The following CYTL1 variants were observed in gnomAD, a reference collection of about 807,000 sequenced individuals.
CYTL1 encodes cytokine like 1, also known as cytokine-like protein 1.
Under a neutral mutation model 13.1 loss-of-function variants are expected in CYTL1, and 17 were observed. The ratio of observed to expected loss-of-function variants is 1.29; its 90% confidence interval spans 0.89 to 1.94. The LOEUF is 1.94. CYTL1 is among the 30% of genes most tolerant of loss of function. The pLI is 0.00. For missense variants in CYTL1, 213 were observed against 174.8 expected (o/e 1.22, Z -1.23); for synonymous variants, 91 against 79.4 (o/e 1.15, Z -0.78).
chr4:5,018,138 T>C (rs1392077132), intron 1 of CYTL1, among the ~76,000 whole-genome samples: 2 of 152,216 alleles, frequency 1.3e-5, no homozygotes, highest in Admixed American at 1.3e-4. Context: ...AATGAACTTA[T>C]TTGATAGTGT....
rs201209430 is a variant in CYTL1, at chr4:5,019,199, T to TTC, written c.153+92_153+93dup. 10,805 of 1,102,364 alleles carry TTC rather than the reference T, an allele frequency of 9.8e-3. 39 individuals are homozygous for TTC. Among genetic ancestry groups the TTC allele is most frequent in the Non-Finnish European group, 0.012 (9,738 of 840,538 alleles). The allele number at this position is 1,102,364 out of a possible 1,614,324, so 68.3% of individuals were successfully genotyped here. On this transcript the variant is annotated intron_variant, in intron 1 of 3. Coordinates refer to ENST00000307746, the MANE Select transcript of CYTL1 (RefSeq NM_018659.3). ...TTTACTAGAAAAGAAAAATATCCTTTTCTCTCTCTCTCTCTTTTTTTTTTC... is the reference window on the plus strand; with the variant it reads ...TTTACTAGAAAAGAAAAATATCCTTTTCTCTCTCTCTCTCTCTTTTTTTTTTC...
rs10006676 is a variant in CYTL1, at chr4:5,019,359, G to T, written c.87C>A (p.Ser29=). Residue 29 remains serine, a synonymous_variant, in exon 1 of 4, where the codon TCC becomes TCA. Coordinates refer to ENST00000307746, the MANE Select transcript of CYTL1 (RefSeq NM_018659.3). ...AARPTPPTCY[S]RMRALSQEIT... The stretch of plus-strand genomic sequence containing the variant: ...TCTCCTGGCTCAGGGCCCGCATGCG[G>T]GAGTAGCAGGTCGGGGGAGTGGGCC... 0.066 allele frequency: 99,557 copies of T among 1,515,324 alleles called. 4,322 individuals are homozygous for T. The highest frequency in any genetic ancestry group is 0.22 in the African/African-American group (15,003 of 68,076). 93.9% of individuals were successfully genotyped at this position (1,515,324 alleles called of 1,614,324 possible).
At chr4:5,017,239 C>T in intron 1 of CYTL1, 60 bp from the exon 2 acceptor site, 3 of 1,561,970 alleles carry the variant, frequency 1.9e-6, no homozygotes. Context: ...TCACAAAAGT[C>T]TCCCTAGTGG....
At position 5,019,371 on chromosome 4, in the gene CYTL1, C is replaced by G; in HGVS notation, c.75G>C (p.Pro25=). Reference sequence around the variant, plus strand: ...GGGCCCGCATGCGGGAGTAGCAGGTCGGGGGAGTGGGCCGCGCGGCGGGGG... The same window carrying G: ...GGGCCCGCATGCGGGAGTAGCAGGTGGGGGGAGTGGGCCGCGCGGCGGGGG... The part of the protein sequence containing the change: ...AGAPAARPTP[P]TCYSRMRALS... Residue 25 remains proline, a synonymous_variant, in exon 1 of 4, where the codon CCG becomes CCC. Coordinates refer to ENST00000307746, the MANE Select transcript of CYTL1 (RefSeq NM_018659.3). The G allele has an allele frequency of 6.6e-7, 1 of 1,514,030 alleles. No individual in the cohort carries two copies. Among genetic ancestry groups the G allele is most frequent in the Non-Finnish European group, 8.8e-7 (1 of 1,139,074 alleles). 93.8% of individuals were successfully genotyped at this position (1,514,030 alleles called of 1,614,324 possible).
chr4:5,016,699 T>C, intron 3 of CYTL1, 137 bp downstream of exon 3: 1 of 1,109,248 alleles, frequency 9.0e-7, no homozygotes, highest in Middle Eastern at 2.2e-4. Context: ...GAAAGGGCTT[T>C]GTGAACTGAA....
intron 3 of CYTL1, among the ~76,000 whole-genome samples, chr4:5,016,186 G>T (rs1741067980): frequency 6.6e-6 from 1 of 152,176 alleles, no homozygotes; most frequent in Non-Finnish European, 1.5e-5. Context: ...GCTGAGTGAT[G>T]ACCTCTGCCA....
rs563172291 is a variant in CYTL1 at position 5,016,939 on chromosome 4, C to T, written c.224G>A (p.Arg75Gln). The stretch of plus-strand genomic sequence containing the variant: ...ACACGGGGGCGAGGCCACAAAGTCC[C>T]GCAGCTTGTCCAGCACACAGTAATT... ...IHNYCVLDKL[R>Q]DFVASPPCWK... The change falls in exon 3 of 4, where the codon CGG (arginine) becomes CAG (glutamine). Residue 75 changes from arginine (R) to glutamine (Q), a missense_variant. By Grantham distance (43) the Arg-to-Gln change is conservative. Coordinates refer to ENST00000307746, the MANE Select transcript of CYTL1 (RefSeq NM_018659.3). 1.2e-5 allele frequency: 20 copies of T among 1,614,176 alleles called. No homozygotes were observed. The highest frequency in any genetic ancestry group is 6.6e-5 in the South Asian group (6 of 91,074).
chr4:5,018,480 T>C (rs1488460856), intron 1 of CYTL1, among the ~76,000 whole-genome samples: 2 of 152,270 alleles, frequency 1.3e-5, no homozygotes, highest in Non-Finnish European at 2.9e-5. Context: ...AGAAACATTA[T>C]GTTTTGTTTG....
chr4:5,015,973 T>G lies in CYTL1; in HGVS notation c.328-739A>C, dbSNP rs116958040. On this transcript the variant is annotated intron_variant, in intron 3 of 3. Transcript: ENST00000307746. Reference sequence around the variant, plus strand: ...GGAGTGAAGGGACACTGCTGTGATTTGAATGTGGTCCCAAAAGTTTATGTG... The same window carrying G: ...GGAGTGAAGGGACACTGCTGTGATTGGAATGTGGTCCCAAAAGTTTATGTG... Among the ~76,000 whole-genome samples the G allele has an allele frequency of 2.8e-4, 42 of 152,312 alleles. No individual in the cohort carries two copies. The East Asian group carries it at 7.5e-3, about 27-fold the overall frequency.
At chr4:5,016,997 G>T (rs1185453502) in intron 2 of CYTL1, 33 bp from the exon 3 acceptor site, 2 of 1,613,764 alleles carry the variant, frequency 1.2e-6, no homozygotes. Flanking sequence ...GGGCTTGTGG[G>T]AGAAGTCAGT....
chr4:5,017,365 C>T (rs370978316), intron 1 of CYTL1, among the ~76,000 whole-genome samples, 186 bp from the exon 2 acceptor site: 2 of 152,160 alleles, frequency 1.3e-5, no homozygotes, highest in Non-Finnish European at 2.9e-5. Context: ...ACTGCGCTTC[C>T]GGAATTAGAC....
chr4:5,017,240 T>A (rs1470323351), intron 1 of CYTL1, 61 bp from the exon 2 acceptor site: 4 of 1,553,848 alleles, frequency 2.6e-6, no homozygotes, highest in Non-Finnish European at 3.5e-6. Flanking sequence ...CACAAAAGTC[T>A]CCCTAGTGGC....
Position 5,015,017 on chromosome 4 carries a change from G to A in CYTL1, c.*134C>T. On this transcript the variant is annotated 3_prime_UTR_variant, in exon 4 of 4. Coordinates refer to ENST00000307746, the MANE Select transcript of CYTL1 (RefSeq NM_018659.3). Reference sequence around the variant, plus strand: ...GTAGGAATACCAGCCCTGTTTTCCAGAAGGTAGAGAGATACATAACAGTTT... The same window carrying A: ...GTAGGAATACCAGCCCTGTTTTCCAAAAGGTAGAGAGATACATAACAGTTT... The A allele has an allele frequency of 1.3e-6, 1 of 775,332 alleles. No individual in the cohort carries two copies. Among genetic ancestry groups the A allele is most frequent in the Non-Finnish European group, 2.2e-6 (1 of 455,018 alleles). 48.0% of individuals were successfully genotyped at this position (775,332 alleles called of 1,614,324 possible).
rs1741095929 is a variant in CYTL1 at position 5,017,275 on chromosome 4, G to C, written c.154-96C>G. 6.0e-6 allele frequency: 7 copies of C among 1,161,474 alleles called. No individual in the cohort carries two copies. The African/African-American group carries it at 6.1e-5, about 10-fold the overall frequency. 71.9% of individuals were successfully genotyped at this position (1,161,474 alleles called of 1,614,324 possible). On this transcript the variant is annotated intron_variant, in intron 1 of 3. Transcript: ENST00000307746. ...CCCTCTCAACAGCCAGACCAGCCCA[G>C]ATCCCTGGGGCCCTCCCTGATGCTA... is the stretch of plus-strand genomic sequence containing the variant.
At chr4:5,015,912 G>C (rs770279331) in intron 3 of CYTL1, among the ~76,000 whole-genome samples, 24 of 152,146 alleles carry the variant, frequency 1.6e-4, no homozygotes, top group Non-Finnish European at 2.6e-4. Flanking sequence ...GCACTACCAT[G>C]TCCTCAGTTC....
In CYTL1 at chr4:5,019,417, A is replaced by T; in HGVS notation, c.29T>A (p.Leu10Gln). 6.7e-7 allele frequency: 1 copy of T among 1,485,336 alleles called. No individual in the cohort carries two copies. The allele number at this position is 1,485,336 out of a possible 1,614,324, so 92.0% of individuals were successfully genotyped here. Residue 10 changes from leucine to glutamine, a missense_variant, in exon 1 of 4, where the codon CTG becomes CAG. Leu to Gln is a moderately radical substitution (Grantham distance 113). Transcript: ENST00000307746. Reference sequence around the variant, plus strand: ...GGGGGCTCCCGCCAGGAGCAGCAGCAGCACGGGCAGAGGCCCAGGCGTCCT... The same window carrying T: ...GGGGGCTCCCGCCAGGAGCAGCAGCTGCACGGGCAGAGGCCCAGGCGTCCT... Reference protein sequence around the residue: MRTPGPLPVLLLLLAGAPAA... With the variant: MRTPGPLPVQLLLLAGAPAA...
intron 1 of CYTL1, 54 bp from the exon 2 acceptor site, chr4:5,017,233 A>C: frequency 6.3e-7 from 1 of 1,579,600 alleles, no homozygotes; most frequent in Admixed American, 1.8e-5. Flanking sequence ...ACCTGGTCAC[A>C]AAAGTCTCCC....
At chr4:5,016,046 T>C (rs763249943) in intron 3 of CYTL1, among the ~76,000 whole-genome samples, 13 of 152,232 alleles carry the variant, frequency 8.5e-5, no homozygotes, top group Non-Finnish European at 1.5e-4. Context: ...ATGTAGGCTT[T>C]GACTTAATGA....
chr4:5,019,012 T>C (rs865850990), intron 1 of CYTL1, among the ~76,000 whole-genome samples: 11 of 139,530 alleles, frequency 7.9e-5, no homozygotes, highest in Non-Finnish European at 1.1e-4. Context: ...TCTTTTTTTT[T>C]TTTTTTTTTT....
Sources: gnomAD v4.1 joint callset for allele counts (sites outside exome capture counted in the v4.1 genomes callset) on GRCh38, gnomAD v4.1.1 for gene constraint, MANE v1.5 for transcripts, NCBI Gene and HGNC (gene_info 2026-07-23, HGNC 2026-07-21) for gene names.